CADM1: variants seen among roughly 807,000 people sequenced by gnomAD.
CADM1 encodes TSLC-1.
A neutral mutation model predicts 53.1 loss-of-function variants in CADM1; 15 were observed. The observed-to-expected ratio is 0.28, with a 90% CI of 0.19 to 0.44. CADM1 has a LOEUF of 0.44. Among genes scored for constraint, CADM1 ranks in the 20% least tolerant of loss-of-function variants. The probability of loss-of-function intolerance (pLI) is 1.00; values close to 1 mark genes in which losing one functional copy is unlikely to be tolerated. For synonymous variants in CADM1, 281 were observed against 243.0 expected (o/e 1.16, Z -1.45); for missense variants, 434 against 611.3 (o/e 0.71, Z 3.06).
chr11:115,442,269 C>T (rs1002177955), intron 1 of CADM1, among the ~76,000 whole-genome samples: 1 of 151,944 alleles, frequency 6.6e-6, no homozygotes. Context: ...AAAAAGCATT[C>T]TAATATTACA....
chr11:115,434,051 T>G (rs1168901195), intron 1 of CADM1, among the ~76,000 whole-genome samples: 1 of 152,190 alleles, frequency 6.6e-6, no homozygotes, highest in Non-Finnish European at 1.5e-5. Context: ...CAAAAAAATT[T>G]CCTCTAGTCT....
At chr11:115,328,738 A>ATG (rs1297633364) in intron 1 of CADM1, among the ~76,000 whole-genome samples, 1 of 124,812 alleles carries the variant, frequency 8.0e-6, no homozygotes, top group African/African-American at 2.9e-5. Flanking sequence ...ATATACATAT[A>ATG]TATATATATA....
rs142998989 is a variant in CADM1, at chr11:115,190,768, T to C, written c.1165+120A>G. 1.2e-4 allele frequency: 95 copies of C among 777,462 alleles called. 2 individuals carry two copies. In the African/African-American group the frequency reaches 1.4e-3, roughly 12 times the overall value. The allele number at this position is 777,462 out of a possible 1,614,324, so 48.2% of individuals were successfully genotyped here. A position where few individuals can be genotyped will look rare whatever the true frequency, so the allele number is the denominator to read the frequency against. On this transcript the variant is annotated intron_variant, in intron 10 of 11. Transcript: ENST00000331581. ...GAAGACAGTATTGATACAAATTTGT[T>C]TTTTGTTAGTCTCAAAATCCACACT...
chr11:115,292,623 A>G (rs1307406339), intron 1 of CADM1, among the ~76,000 whole-genome samples: 2 of 152,228 alleles, frequency 1.3e-5, no homozygotes, highest in Non-Finnish European at 2.9e-5. Context: ...ATGGCATGTT[A>G]TGATATACCA....
intron 1 of CADM1, among the ~76,000 whole-genome samples, chr11:115,305,699 G>A (rs909244471): frequency 1.3e-5 from 2 of 151,762 alleles, no homozygotes; most frequent in Admixed American, 6.6e-5. Flanking sequence ...ATCTTGACTT[G>A]AGATTTTTTT....
At chr11:115,179,451 T>G (rs1331521631) in intron 10 of CADM1, among the ~76,000 whole-genome samples, 1 of 152,196 alleles carries the variant, frequency 6.6e-6, no homozygotes, top group African/African-American at 2.4e-5. Context: ...ATGCAATTAA[T>G]TTTCCTTTAT....
At chr11:115,463,753 G>A (rs1202678945) in intron 1 of CADM1, among the ~76,000 whole-genome samples, 1 of 151,148 alleles carries the variant, frequency 6.6e-6, no homozygotes, top group Non-Finnish European at 1.5e-5. Context: ...ACAGCTAAGT[G>A]TTTTAACGCT....
At chr11:115,401,450 CACA>C (rs763431291) in intron 1 of CADM1, among the ~76,000 whole-genome samples, 3 of 152,000 alleles carry the variant, frequency 2.0e-5, no homozygotes, top group Non-Finnish European at 4.4e-5. Context: ...CTACTAAAAA[CACA>C]ACAATTTAGC....
chr11:115,221,559 T>C (rs528552036), intron 5 of CADM1, among the ~76,000 whole-genome samples: 1 of 152,310 alleles, frequency 6.6e-6, no homozygotes, highest in East Asian at 1.9e-4. Context: ...GAGGTTGGAA[T>C]GGGTTGCTGG....
intron 1 of CADM1, among the ~76,000 whole-genome samples, chr11:115,427,664 A>C (rs1947925212): frequency 6.6e-6 from 1 of 152,140 alleles, no homozygotes; most frequent in Non-Finnish European, 1.5e-5. Context: ...TCATGTATTA[A>C]TCGACAAACA....
intron 1 of CADM1, among the ~76,000 whole-genome samples, chr11:115,311,382 G>A (rs1460927579): frequency 1.3e-5 from 2 of 151,962 alleles, no homozygotes; most frequent in African/African-American, 2.4e-5. Flanking sequence ...ATCATCCCTC[G>A]GGGATCATCA....
chr11:115,472,761 T>C (rs1949043930), intron 1 of CADM1, among the ~76,000 whole-genome samples: 1 of 152,222 alleles, frequency 6.6e-6, no homozygotes, highest in Non-Finnish European at 1.5e-5. Flanking sequence ...TATATTTATG[T>C]TGCTCTATTT....
chr11:115,380,577 TA>T (rs1248380628), intron 1 of CADM1, among the ~76,000 whole-genome samples: 1 of 152,190 alleles, frequency 6.6e-6, no homozygotes, highest in African/African-American at 2.4e-5. Flanking sequence ...ACCACCAAAA[TA>T]AATAAATTAA....
intron 1 of CADM1, among the ~76,000 whole-genome samples, chr11:115,453,388 A>G (rs75331964): frequency 1.4e-5 from 1 of 71,284 alleles, no homozygotes; most frequent in Admixed American, 1.2e-4. Flanking sequence ...AAAAAAAACC[A>G]AAAAAAAAAA....
At chr11:115,489,376 A>G (rs947013466) in intron 1 of CADM1, among the ~76,000 whole-genome samples, 3 of 152,242 alleles carry the variant, frequency 2.0e-5, no homozygotes, top group African/African-American at 7.2e-5. Flanking sequence ...AAATTCATAG[A>G]CACTAAGGCC....
intron 1 of CADM1, among the ~76,000 whole-genome samples, chr11:115,421,818 A>G (rs1380791813): frequency 6.6e-6 from 1 of 152,220 alleles, no homozygotes; most frequent in African/African-American, 2.4e-5. Flanking sequence ...AAGAAAGGAA[A>G]TTTGTTGCAT....
rs1341398905 is a variant in CADM1 at position 115,484,940 on chromosome 11, C to T, written c.124+19331G>A. Among the ~76,000 whole-genome samples, 3 of 147,704 alleles carry T rather than the reference C, an allele frequency of 2.0e-5. No homozygotes were observed. The Admixed American group carries it at 2.0e-4, about 10-fold the overall frequency. ...CCAGCCTGGGCAACAGAGCGAGACT[C>T]TGTCTCAAAAAAAAAAAAAAAGAAA... On this transcript the variant is annotated intron_variant, in intron 1 of 11. Transcript: ENST00000331581.
chr11:115,189,891 C>T lies in CADM1; in HGVS notation c.1165+997G>A, dbSNP rs138568763. 2.6e-3 allele frequency among the ~76,000 whole-genome samples: 394 copies of T among 152,286 alleles called. 1 individual carries two copies. The highest frequency in any genetic ancestry group is 0.017 in the Middle Eastern group (5 of 294). On this transcript the variant is annotated intron_variant, in intron 10 of 11. Transcript: ENST00000331581. ...GCAAAGTGAAGATATCCCTGAGGTT[C>T]GTCAGAAGCACGTAGTTGGCAATAA...
chr11:115,454,373 C>T (rs1454956732), intron 1 of CADM1, among the ~76,000 whole-genome samples: 1 of 152,164 alleles, frequency 6.6e-6, no homozygotes, highest in African/African-American at 2.4e-5. Flanking sequence ...AGAAAAACTT[C>T]AGTAGTGCCT....
Sources: gnomAD v4.1 joint callset for allele counts (sites outside exome capture counted in the v4.1 genomes callset) on GRCh38, gnomAD v4.1.1 for gene constraint, MANE v1.5 for transcripts, NCBI Gene and HGNC (gene_info 2026-07-23, HGNC 2026-07-21) for gene names.